VAMP3: variants seen among roughly 807,000 people sequenced by gnomAD.
The protein encoded by VAMP3 is vesicle associated membrane protein 3, also known as vesicle-associated membrane protein 3.
Under a neutral mutation model 18.1 loss-of-function variants are expected in VAMP3, and 11 were observed. The ratio of observed to expected loss-of-function variants is 0.61; its 90% CI spans 0.38 to 1.00. The LOEUF (loss-of-function observed/expected upper bound fraction) is 1.00, where lower values mean the gene tolerates loss of function less well. VAMP3 is among the 50% of genes least tolerant of loss of function. The pLI is 0.01. For synonymous variants in VAMP3, 49 were observed against 43.1 expected, an observed-to-expected ratio of 1.14 and a Z score of -0.53; for missense variants, 122 against 127.3, an observed-to-expected ratio of 0.96 and a Z score of 0.20.
chr1:7,778,153 C>T lies in VAMP3; in HGVS notation c.267C>T (p.Phe89=). 1 of 1,607,360 alleles carries T rather than the reference C, an allele frequency of 6.2e-7. No individual in the cohort carries two copies. The highest frequency in any genetic ancestry group is 8.5e-7 in the Non-Finnish European group (1 of 1,174,852). The change falls in exon 4 of 5, where the codon TTC becomes TTT. Residue 89 remains phenylalanine, a synonymous_variant. Transcript: ENST00000054666. ...TCGGGATTACTGTTCTGGTTATCTT[C>T]ATCATCATCATCATCGGTGAGTTAC... The part of the protein sequence containing the change: ...WAIGITVLVI[F]IIIIIVWVVS...
intron 2 of VAMP3, 79 bp downstream of exon 2, chr1:7,773,590 C>T (rs754118388): frequency 2.2e-6 from 3 of 1,376,340 alleles, no homozygotes; most frequent in Non-Finnish European, 3.1e-6. Context: ...AAAGTATCAT[C>T]AAAGTGTGAA....
At chr1:7,779,401 A>G (rs2097055956) in intron 4 of VAMP3, among the ~76,000 whole-genome samples, 1 of 152,232 alleles carries the variant, frequency 6.6e-6, no homozygotes, top group African/African-American at 2.4e-5. Flanking sequence ...GATGGATGTT[A>G]GTGGATGTTT....
intron 4 of VAMP3, 53 bp from the exon 5 acceptor site, chr1:7,779,573 G>A (rs1447369892): frequency 6.2e-7 from 1 of 1,613,276 alleles, no homozygotes; most frequent in African/African-American, 1.3e-5. Context: ...GATTCACACT[G>A]AGAGACTAAC....
intron 2 of VAMP3, among the ~76,000 whole-genome samples, chr1:7,774,420 C>T (rs958656203): frequency 6.6e-6 from 1 of 151,904 alleles, no homozygotes; most frequent in Admixed American, 6.6e-5. Context: ...ATTACCATAA[C>T]ATACAACTAA....
chr1:7,778,565 A>T (rs1391400614), intron 4 of VAMP3, among the ~76,000 whole-genome samples: 3 of 152,110 alleles, frequency 2.0e-5, no homozygotes, highest in African/African-American at 7.2e-5. Context: ...ATTTATTCCA[A>T]GGTTTTCAGT....
At chr1:7,771,801 C>T (rs2097051155) in intron 1 of VAMP3, among the ~76,000 whole-genome samples, 1 of 152,276 alleles carries the variant, frequency 6.6e-6, no homozygotes, top group Admixed American at 6.5e-5. Flanking sequence ...TGTCCTGAGC[C>T]CCTGTGGGCC....
At position 7,777,206 on chromosome 1, in the gene VAMP3, A is replaced by T; in HGVS notation, c.119A>T (p.Asp40Val). ...RVNVDKVLER[D>V]QKLSELDDRA... ...AACGTGGACAAGGTTCTGGAAAGAGACCAGAAGCTCTCTGAGTTAGACGAC... is the reference window on the plus strand; with the variant it reads ...AACGTGGACAAGGTTCTGGAAAGAGTCCAGAAGCTCTCTGAGTTAGACGAC... The change falls in exon 3 of 5, where the codon GAC becomes GTC. Residue 40 changes from aspartate (D) to valine (V), a missense_variant. Coordinates refer to ENST00000054666, the MANE Select transcript of VAMP3 (RefSeq NM_004781.4). The T allele has an allele frequency of 6.2e-7, 1 of 1,613,820 alleles. No individual in the cohort carries two copies. Among genetic ancestry groups the T allele is most frequent in the South Asian group, 1.1e-5 (1 of 90,972 alleles).
chr1:7,774,025 C>CT (rs1194829498), intron 2 of VAMP3, among the ~76,000 whole-genome samples: 1 of 152,204 alleles, frequency 6.6e-6, no homozygotes, highest in African/African-American at 2.4e-5. Context: ...CAGCAAATCT[C>CT]TGTTTGTAGA....
In VAMP3 at chr1:7,780,290, A is replaced by G. The variant is rs1477403854; in HGVS notation, c.*645A>G. 6.5e-6 allele frequency: 1 copy of G among 152,842 alleles called. No individual in the cohort carries two copies. The highest frequency in any genetic ancestry group is 1.5e-5 in the Non-Finnish European group (1 of 68,070). The allele number at this position is 152,842 out of a possible 1,614,324, so 9.5% of individuals were successfully genotyped here. ...ATAACCTCTTTAAAAAAATTTTTAAAGAACTATGGCTATGACCAAAGCTTC... is the reference window on the plus strand; with the variant it reads ...ATAACCTCTTTAAAAAAATTTTTAAGGAACTATGGCTATGACCAAAGCTTC... On this transcript the variant is annotated 3_prime_UTR_variant, in exon 5 of 5. Transcript: ENST00000054666.
Position 7,779,600 on chromosome 1 carries a change from C to T in VAMP3, c.284-26C>T, listed in dbSNP as rs779607643. ...GAGACTAACCTGCTGTTTCCCCTGC[C>T]TTTTTGCATCTCTCCTCCTTCTTAG... On this transcript the variant is annotated intron_variant, in intron 4 of 4. Coordinates refer to ENST00000054666, the MANE Select transcript of VAMP3 (RefSeq NM_004781.4). The T allele has an allele frequency of 2.5e-6, 4 of 1,614,084 alleles. No homozygotes were observed. In the East Asian group the frequency reaches 8.9e-5, roughly 36 times the overall value.
At position 7,773,502 on chromosome 1, in the gene VAMP3, A is replaced by G. The variant is rs765553952; in HGVS notation, c.63A>G (p.Gln21=). The G allele has an allele frequency of 6.2e-7, 1 of 1,614,042 alleles. No individual in the cohort carries two copies. Among genetic ancestry groups the G allele is most frequent in the South Asian group, 1.1e-5 (1 of 91,066 alleles). The change falls in exon 2 of 5, where the codon CAA becomes CAG. Residue 21 remains glutamine (Q), a synonymous_variant. Coordinates refer to ENST00000054666, the MANE Select transcript of VAMP3 (RefSeq NM_004781.4). ...GAAGACTTCAGCAGACACAAAATCA[A>G]GTAGATGAGGTATTGCTCTGAAATG... ...SNRRLQQTQN[Q]VDEVVDIMRV...
intron 2 of VAMP3, among the ~76,000 whole-genome samples, chr1:7,774,130 C>G (rs1015607433): frequency 1.3e-5 from 2 of 152,206 alleles, no homozygotes; most frequent in Non-Finnish European, 2.9e-5. Context: ...TTTCCACATT[C>G]CTAAAAGCCG....
chr1:7,771,912 CAGTGGT>C (rs2097051245), intron 1 of VAMP3, among the ~76,000 whole-genome samples: 1 of 152,240 alleles, frequency 6.6e-6, no homozygotes, highest in Non-Finnish European at 1.5e-5. Context: ...CCCCTGCTTC[CAGTGGT>C]AAGACTCAGA....
intron 4 of VAMP3, among the ~76,000 whole-genome samples, 167 bp from the exon 5 acceptor site, chr1:7,779,459 T>G (rs1280658604): frequency 6.6e-6 from 1 of 152,186 alleles, no homozygotes; most frequent in Non-Finnish European, 1.5e-5. Flanking sequence ...GACTCTAGTC[T>G]CCTTCCTCTA....
intron 2 of VAMP3, chr1:7,776,648 C>T (rs1226637060): frequency 6.6e-6 from 1 of 152,252 alleles, no homozygotes; most frequent in Non-Finnish European, 1.5e-5. Context: ...CCCATAAATG[C>T]CCTTTATCAT....
chr1:7,771,362 TGCC>T lies in VAMP3; in HGVS notation c.-13_-11del, dbSNP rs1301790371. On this transcript the variant is annotated 5_prime_UTR_variant, in exon 1 of 5. Coordinates refer to ENST00000054666, the MANE Select transcript of VAMP3 (RefSeq NM_004781.4). ...TCTGCTGACCCTCTCTCGTCGCCGC[TGCC>T]GCCGCCGCAGCTGCCAAAATGTGAG... is the stretch of plus-strand genomic sequence containing the variant. The T allele has an allele frequency of 1.3e-6, 2 of 1,592,256 alleles. No individual in the cohort carries two copies.
chr1:7,776,995 GAGAC>G (rs1336537470), intron 2 of VAMP3, 161 bp from the exon 3 acceptor site: 6 of 608,894 alleles, frequency 9.9e-6, no homozygotes, highest in Non-Finnish European at 1.6e-5. Flanking sequence ...TTTTAGTACT[GAGAC>G]AGGGTTTCCC....
chr1:7,781,304 G>A lies in VAMP3; in HGVS notation c.*1659G>A, dbSNP rs2097057085. On this transcript the variant is annotated 3_prime_UTR_variant, in exon 5 of 5. Coordinates refer to ENST00000054666, the MANE Select transcript of VAMP3 (RefSeq NM_004781.4). ...TCAGAAACCTTGGTACTCGCCCCTT[G>A]GCCACAGTGCCCAGACCCATGTAAC... is the stretch of plus-strand genomic sequence containing the variant. The A allele has an allele frequency of 6.5e-6, 1 of 152,838 alleles. No homozygotes were observed. Among genetic ancestry groups the A allele is most frequent in the Non-Finnish European group, 1.5e-5 (1 of 68,106 alleles). 9.5% of individuals were successfully genotyped at this position (152,838 alleles called of 1,614,324 possible). A position where few individuals can be genotyped will look rare whatever the true frequency, so the allele number is the denominator to read the frequency against.
intron 1 of VAMP3, chr1:7,773,227 C>A (rs1158164162): frequency 3.6e-6 from 2 of 548,596 alleles, no homozygotes; most frequent in Non-Finnish European, 6.6e-6. Context: ...TAACATTTGT[C>A]CCTTTAGTAG....
Sources: gnomAD v4.1 joint callset for allele counts (sites outside exome capture counted in the v4.1 genomes callset) on GRCh38, gnomAD v4.1.1 for gene constraint, MANE v1.5 for transcripts, NCBI Gene and HGNC (gene_info 2026-07-23, HGNC 2026-07-21) for gene names.